Variants in NREP observed in about 807,000 individuals in gnomAD.
The protein encoded by NREP is neuronal regeneration-related protein.
In NREP, 5 loss-of-function variants were observed where a neutral mutation model predicts 8.6. The ratio of observed to expected loss-of-function variants is 0.58; its 90% confidence interval spans 0.30 to 1.22. The LOEUF (loss-of-function observed/expected upper bound fraction) is 1.22. Among genes scored for constraint, NREP ranks in the 50% most tolerant of loss-of-function variants. The probability of loss-of-function intolerance (pLI) is 0.07; values close to 1 mark genes in which losing one functional copy is unlikely to be tolerated. For missense variants in NREP, 86 were observed against 82.5 expected (o/e 1.04, Z -0.17); for synonymous variants, 27 against 28.0 (o/e 0.96, Z 0.11).
Position 111,851,485 on chromosome 5 carries a change from GAA to G in NREP, c.136-115980_136-115979del, listed in dbSNP as rs575721470. On this transcript the variant is annotated intron_variant, in intron 2 of 3. Coordinates refer to the NREP transcript ENST00000395634. ...TATAGAGAGTTCCAATATAAAGAGAGAAAGAGAGAGAGAGACAGACTGACCAC... is the reference window on the plus strand; with the variant it reads ...TATAGAGAGTTCCAATATAAAGAGAGAGAGAGAGAGAGACAGACTGACCAC... 4.6e-5 allele frequency among the ~76,000 whole-genome samples: 7 copies of G among 152,278 alleles called. No individual in the cohort carries two copies. In the East Asian group the frequency reaches 9.7e-4, roughly 21 times the overall value.
intron 2 of NREP, chr5:111,738,625 AACAG>A (rs1749368782): frequency 1.1e-5 from 1 of 90,756 alleles, no homozygotes; most frequent in Non-Finnish European, 3.2e-5. Flanking sequence ...TTGCAAGAGA[AACAG>A]AGTTTCTGCC....
intron 2 of NREP, among the ~76,000 whole-genome samples, chr5:111,890,466 C>G (rs1283798453): frequency 6.6e-6 from 1 of 152,198 alleles, no homozygotes; most frequent in Admixed American, 6.5e-5. Context: ...CTAGGCAGTG[C>G]TCTGTTGGAG....
At chr5:111,900,116 A>G (rs1754606621) in intron 2 of NREP, among the ~76,000 whole-genome samples, 1 of 152,150 alleles carries the variant, frequency 6.6e-6, no homozygotes, top group South Asian at 2.1e-4. Flanking sequence ...ATAATGAAAT[A>G]AAACTAGAAA....
chr5:111,762,245 G>T (rs1197968662), upstream of NREP, among the ~76,000 whole-genome samples: 1 of 152,136 alleles, frequency 6.6e-6, no homozygotes, highest in Non-Finnish European at 1.5e-5. Context: ...CTTGGATGAT[G>T]ATGGGATTTC....
intron 2 of NREP, among the ~76,000 whole-genome samples, chr5:111,828,173 G>C (rs1252998670): frequency 1.3e-5 from 2 of 152,074 alleles, no homozygotes; most frequent in South Asian, 2.1e-4. Context: ...TGGGATTACA[G>C]GCATGTGCCA....
At chr5:111,906,207 C>G (rs185993402) in intron 2 of NREP, among the ~76,000 whole-genome samples, 1 of 152,066 alleles carries the variant, frequency 6.6e-6, no homozygotes, top group Non-Finnish European at 1.5e-5. Flanking sequence ...TGTTGCACAT[C>G]TAGAGTTTTT....
chr5:111,858,866 T>A (rs1379500072), intron 2 of NREP, among the ~76,000 whole-genome samples: 1 of 151,988 alleles, frequency 6.6e-6, no homozygotes, highest in East Asian at 1.9e-4. Flanking sequence ...CCAACAAGAA[T>A]ACATAAAACA....
At chr5:111,975,079 T>C (rs947571486) in intron 2 of NREP, among the ~76,000 whole-genome samples, 2 of 152,164 alleles carry the variant, frequency 1.3e-5, no homozygotes, top group African/African-American at 2.4e-5. Context: ...GCAGTTACAA[T>C]GCAGAGATGC....
At chr5:111,958,681 G>A (rs1429120497) in intron 2 of NREP, among the ~76,000 whole-genome samples, 2 of 151,816 alleles carry the variant, frequency 1.3e-5, no homozygotes, top group African/African-American at 4.8e-5. Context: ...AACAAAACAT[G>A]TTCATGGATA....
intron 2 of NREP, among the ~76,000 whole-genome samples, chr5:111,784,530 G>T (rs1751565269): frequency 6.6e-6 from 1 of 152,186 alleles, no homozygotes; most frequent in South Asian, 2.1e-4. Context: ...CTCAAACTAT[G>T]TCCAGCAGAG....
chr5:111,858,635 T>C (rs1753476924), intron 2 of NREP, among the ~76,000 whole-genome samples: 1 of 152,122 alleles, frequency 6.6e-6, no homozygotes, highest in Non-Finnish European at 1.5e-5. Flanking sequence ...AGGCAAGAGA[T>C]TGAGACCCTG....
chr5:111,783,039 G>T (rs369354360), intron 2 of NREP, among the ~76,000 whole-genome samples: 2 of 152,040 alleles, frequency 1.3e-5, no homozygotes, highest in African/African-American at 4.8e-5. Context: ...GGCCCCACAC[G>T]ACATTTTTTA....
chr5:111,842,377 G>A (rs1581158585), intron 2 of NREP, among the ~76,000 whole-genome samples: 1 of 152,158 alleles, frequency 6.6e-6, no homozygotes, highest in African/African-American at 2.4e-5. Flanking sequence ...CTAGCACCAA[G>A]TTCTGTGTGC....
intron 2 of NREP, among the ~76,000 whole-genome samples, chr5:111,872,464 C>A (rs1411491615): frequency 6.6e-6 from 1 of 152,110 alleles, no homozygotes; most frequent in African/African-American, 2.4e-5. Flanking sequence ...ATCTGGATAT[C>A]CTCATGGTCC....
At chr5:111,853,943 G>A (rs1005470145) in intron 2 of NREP, among the ~76,000 whole-genome samples, 19 of 152,058 alleles carry the variant, frequency 1.2e-4, no homozygotes, top group African/African-American at 4.6e-4. Flanking sequence ...TTCATGATGT[G>A]TCTGCCGGAA....
intron 2 of NREP, among the ~76,000 whole-genome samples, chr5:111,931,230 G>C (rs1397404932): frequency 1.3e-5 from 2 of 151,972 alleles, no homozygotes; most frequent in Non-Finnish European, 2.9e-5. Flanking sequence ...GTATGATTTA[G>C]TGGATTTAGC....
chr5:111,960,121 A>G (rs888278752), intron 2 of NREP, among the ~76,000 whole-genome samples: 1 of 152,182 alleles, frequency 6.6e-6, no homozygotes, highest in African/African-American at 2.4e-5. Flanking sequence ...GAGTATAAAA[A>G]TAGCTCATTC....
At chr5:111,758,010 C>T (rs959810411), upstream of NREP, 3 of 985,456 alleles carry the variant, frequency 3.0e-6, no homozygotes, top group African/African-American at 1.7e-5. Context: ...CTTTTATGTG[C>T]CTGTCCTGAG....
At chr5:111,923,713 C>T (rs1755308387) in intron 2 of NREP, among the ~76,000 whole-genome samples, 2 of 152,162 alleles carry the variant, frequency 1.3e-5, no homozygotes, top group South Asian at 4.1e-4. Flanking sequence ...CTTAGGTAAC[C>T]CACTGGCTGT....
Sources: allele counts gnomAD v4.1 joint callset (sites outside exome capture counted in the v4.1 genomes callset), GRCh38; gene constraint gnomAD v4.1.1; transcripts MANE v1.5; gene names NCBI Gene and HGNC (gene_info 2026-07-23, HGNC 2026-07-21).